MECOM: variants seen among roughly 807,000 people sequenced by gnomAD.
MECOM encodes MDS1 and EVI1 complex locus.
Under a neutral mutation model 116.3 loss-of-function variants are expected in MECOM, and 13 were observed. The ratio of observed to expected loss-of-function variants is 0.11; its 90% CI spans 0.07 to 0.18. MECOM has a LOEUF of 0.18. Among genes scored for constraint, MECOM ranks in the 10% least tolerant of loss-of-function variants. MECOM has a pLI of 1.00. For synonymous variants in MECOM, 528 were observed against 535.2 expected, an observed-to-expected ratio of 0.99 and a Z score of 0.19; for missense variants, 1,299 against 1,509.0, an observed-to-expected ratio of 0.86 and a Z score of 2.31.
intron 2 of MECOM, among the ~76,000 whole-genome samples, chr3:169,266,826 T>G (rs1383277755): frequency 2.0e-5 from 3 of 152,166 alleles, no homozygotes; most frequent in African/African-American, 7.2e-5. Context: ...TTTCTTTTTT[T>G]TTAAACCTTA....
chr3:169,594,054 G>A (rs578172167), intron 1 of MECOM, among the ~76,000 whole-genome samples: 170 of 150,022 alleles, frequency 1.1e-3, no homozygotes, highest in Non-Finnish European at 1.5e-3. Context: ...CCAGGAGGCA[G>A]AGGTTGCAGT....
chr3:169,207,932 A>T (rs1750169152), intron 2 of MECOM, among the ~76,000 whole-genome samples: 1 of 152,178 alleles, frequency 6.6e-6, no homozygotes, highest in Non-Finnish European at 1.5e-5. Flanking sequence ...GAAATAACAT[A>T]CAGAATTTCA....
chr3:169,659,090 A>G (rs1462390444), intron 1 of MECOM, among the ~76,000 whole-genome samples: 2 of 151,690 alleles, frequency 1.3e-5, no homozygotes, highest in Admixed American at 6.6e-5. Context: ...AAAAAAAAAA[A>G]AGAAAGAGAA....
At chr3:169,445,477 C>T (rs2108635328) in intron 1 of MECOM, among the ~76,000 whole-genome samples, 1 of 152,316 alleles carries the variant, frequency 6.6e-6, no homozygotes, top group South Asian at 2.1e-4. Context: ...GTTTGGGAAC[C>T]TCTGCCTAGA....
chr3:169,487,184 G>T (rs552357599), intron 1 of MECOM, among the ~76,000 whole-genome samples: 1 of 152,048 alleles, frequency 6.6e-6, no homozygotes, highest in African/African-American at 2.4e-5. Context: ...TTAATCTAAA[G>T]AATATACTTC....
intron 2 of MECOM, among the ~76,000 whole-genome samples, chr3:169,229,883 A>T (rs1753170624): frequency 6.6e-6 from 1 of 152,184 alleles, no homozygotes; most frequent in Admixed American, 6.5e-5. Context: ...TAATGTGGGT[A>T]AAAAATACTT....
At chr3:169,372,527 C>CCAA (rs1477533758) in intron 2 of MECOM, among the ~76,000 whole-genome samples, 4 of 151,966 alleles carry the variant, frequency 2.6e-5, no homozygotes, top group African/African-American at 9.7e-5. Context: ...CCATTTCAAA[C>CCAA]CAACCCAGAG....
At chr3:169,402,400 G>C (rs569791401) in intron 1 of MECOM, among the ~76,000 whole-genome samples, 1 of 152,276 alleles carries the variant, frequency 6.6e-6, no homozygotes, top group African/African-American at 2.4e-5. Context: ...AGAACCAACA[G>C]GCTTTTCCCT....
intron 2 of MECOM, among the ~76,000 whole-genome samples, chr3:169,375,626 C>A (rs1231977614): frequency 6.6e-6 from 1 of 151,996 alleles, no homozygotes; most frequent in Admixed American, 6.6e-5. Flanking sequence ...AAGGCTAAAC[C>A]AGGAAGAAGT....
chr3:169,611,539 G>A lies in MECOM; in HGVS notation c.37+51797C>T, dbSNP rs2109823468. ...AGTGTTTCATAAGCTTCAGTTTTTA[G>A]TTGCACGTAGTAGCATACAAACAAT... is the stretch of plus-strand genomic sequence containing the variant. On this transcript the variant is annotated intron_variant, in intron 1 of 16. Transcript: ENST00000651503. The surrounding 1 kb of genome is among the most constrained non-coding windows in gnomAD (Gnocchi z 4.1). Among the ~76,000 whole-genome samples, 1 of 152,300 alleles carries A rather than the reference G, an allele frequency of 6.6e-6. No homozygotes were observed.
At chr3:169,637,366 A>G (rs1577221565) in intron 1 of MECOM, among the ~76,000 whole-genome samples, 1 of 152,210 alleles carries the variant, frequency 6.6e-6, no homozygotes, top group African/African-American at 2.4e-5. Flanking sequence ...GTTTCAAGCC[A>G]TTAAGTTTAG....
At chr3:169,342,645 A>T (rs1428510443) in intron 2 of MECOM, among the ~76,000 whole-genome samples, 1 of 152,066 alleles carries the variant, frequency 6.6e-6, no homozygotes, top group East Asian at 1.9e-4. Flanking sequence ...TGAAAACAGA[A>T]GGTTTCCTCT....
chr3:169,325,886 A>T (rs2149762266), intron 2 of MECOM, among the ~76,000 whole-genome samples: 1 of 152,376 alleles, frequency 6.6e-6, no homozygotes, highest in South Asian at 2.1e-4. Flanking sequence ...CAAAGGGTCA[A>T]AACAAACATT....
intron 1 of MECOM, among the ~76,000 whole-genome samples, chr3:169,640,677 C>T (rs966182953): frequency 6.6e-6 from 1 of 152,210 alleles, no homozygotes; most frequent in African/African-American, 2.4e-5. Context: ...CATCACCACA[C>T]CCTTATGAAG....
At chr3:169,540,527 C>T (rs1759940060) in intron 1 of MECOM, among the ~76,000 whole-genome samples, 1 of 152,182 alleles carries the variant, frequency 6.6e-6, no homozygotes, top group African/African-American at 2.4e-5. Flanking sequence ...GCTTCTAGTG[C>T]CTTTAAAATA....
intron 2 of MECOM, among the ~76,000 whole-genome samples, chr3:169,279,321 T>C (rs989940897): frequency 2.4e-4 from 36 of 152,196 alleles, no homozygotes; most frequent in Admixed American, 1.6e-3. Context: ...GTCTGGAACA[T>C]TGGAATTAGC....
intron 1 of MECOM, among the ~76,000 whole-genome samples, chr3:169,495,594 A>C (rs1753714037): frequency 6.6e-6 from 1 of 152,206 alleles, no homozygotes; most frequent in African/African-American, 2.4e-5. Flanking sequence ...TAACACCTCT[A>C]AGAAATGGAG....
chr3:169,532,252 A>G (rs1005581683), intron 1 of MECOM, among the ~76,000 whole-genome samples: 1 of 152,140 alleles, frequency 6.6e-6, no homozygotes, highest in African/African-American at 2.4e-5. Flanking sequence ...ACTTCTAACA[A>G]GTTCACTTGG....
intron 1 of MECOM, among the ~76,000 whole-genome samples, chr3:169,519,598 T>A (rs1757114041): frequency 6.6e-6 from 1 of 152,240 alleles, no homozygotes; most frequent in African/African-American, 2.4e-5. Flanking sequence ...GCAAAGACTT[T>A]GCTTTTAGGA....
Sources: allele counts gnomAD v4.1 joint callset (sites outside exome capture counted in the v4.1 genomes callset), GRCh38; gene constraint gnomAD v4.1.1; non-coding constraint Gnocchi (gnomAD v3.1); transcripts MANE v1.5; gene names NCBI Gene and HGNC (gene_info 2026-07-23, HGNC 2026-07-21).